The following XKR9 variants were observed in gnomAD, a reference collection of about 807,000 sequenced individuals.
The protein encoded by XKR9 is XK related 9.
XKR9 carries 32 observed loss-of-function variants against 32.0 expected under a neutral mutation model. The ratio of observed to expected loss-of-function variants is 1.00; its 90% CI spans 0.76 to 1.34. XKR9 has a LOEUF of 1.34. XKR9 is among the 40% of genes most tolerant of loss of function. XKR9 has a pLI of 0.00. For missense variants in XKR9, 546 were observed against 429.7 expected, an observed-to-expected ratio of 1.27 and a Z score of -2.39; for synonymous variants, 168 against 143.4, an observed-to-expected ratio of 1.17 and a Z score of -1.22.
chr8:70,982,521 A>C, the XKR9 span, among the ~76,000 whole-genome samples: 581 of 152,164 alleles, frequency 3.8e-3, 6 homozygotes, highest in African/African-American at 0.013. Context: ...CCAGTCCTAA[A>C]GGTGGTCTCA....
the XKR9 span, among the ~76,000 whole-genome samples, chr8:70,885,321 G>A: frequency 3.9e-5 from 6 of 152,034 alleles, no homozygotes; most frequent in South Asian, 4.1e-4. Flanking sequence ...CCAGTGCAAT[G>A]ACTTATGGGT....
At chr8:71,046,022 A>C in the XKR9 span, among the ~76,000 whole-genome samples, 3 of 152,074 alleles carry the variant, frequency 2.0e-5, no homozygotes, top group Non-Finnish European at 4.4e-5. Context: ...CATAAAACTA[A>C]AGAAGAAGCA....
At chr8:70,721,120 T>G (rs1806265010) in intron 4 of XKR9, among the ~76,000 whole-genome samples, 1 of 152,222 alleles carries the variant, frequency 6.6e-6, no homozygotes, top group South Asian at 2.1e-4. Context: ...GAGGGAAGTT[T>G]GTAGTTTTGT....
At chr8:70,740,028 G>A (rs1335488606), downstream of XKR9, among the ~76,000 whole-genome samples, 1 of 152,158 alleles carries the variant, frequency 6.6e-6, no homozygotes, top group Admixed American at 6.5e-5. Context: ...TTGGTAGACT[G>A]GGGAAGTTCT....
At chr8:70,950,470 C>T in the XKR9 span, among the ~76,000 whole-genome samples, 1 of 151,914 alleles carries the variant, frequency 6.6e-6, no homozygotes, top group South Asian at 2.1e-4. Context: ...CGGCTCTGGG[C>T]AGAGCATGGT....
the XKR9 span, among the ~76,000 whole-genome samples, chr8:71,040,003 T>C: frequency 2.0e-5 from 3 of 152,196 alleles, no homozygotes; most frequent in Non-Finnish European, 4.4e-5. Flanking sequence ...TGATTTTCTC[T>C]TTAGGTGGCC....
chr8:71,011,952 T>C, the XKR9 span, among the ~76,000 whole-genome samples: 2 of 152,232 alleles, frequency 1.3e-5, no homozygotes, highest in Non-Finnish European at 2.9e-5. Context: ...TTCTCTTATA[T>C]ACACTTGCTT....
chr8:70,796,678 A>G, the XKR9 span, among the ~76,000 whole-genome samples: 5 of 152,204 alleles, frequency 3.3e-5, no homozygotes, highest in African/African-American at 4.8e-5. Context: ...TATCACTGTA[A>G]GGTAAATTTA....
chr8:70,935,226 C>CACACAT, the XKR9 span, among the ~76,000 whole-genome samples: 2 of 149,016 alleles, frequency 1.3e-5, no homozygotes, highest in African/African-American at 5.0e-5. Flanking sequence ...CACACACACA[C>CACACAT]ATACACATTT....
chr8:70,844,112 C>T, the XKR9 span, among the ~76,000 whole-genome samples: 2 of 152,204 alleles, frequency 1.3e-5, no homozygotes, highest in Non-Finnish European at 2.9e-5. Context: ...AACATGCTCT[C>T]TGTAGAGTCT....
chr8:70,942,026 G>A, the XKR9 span, among the ~76,000 whole-genome samples: 11 of 152,170 alleles, frequency 7.2e-5, 1 homozygote, highest in South Asian at 1.7e-3. Context: ...TAGATAAGAA[G>A]CTATATACCT....
downstream of XKR9, among the ~76,000 whole-genome samples, chr8:70,793,983 A>T (rs975817970): frequency 2.0e-5 from 3 of 152,100 alleles, no homozygotes; most frequent in Non-Finnish European, 2.9e-5. Flanking sequence ...TGAACACAGG[A>T]TATCTATCCA....
intron 4 of XKR9, among the ~76,000 whole-genome samples, chr8:70,713,029 A>G (rs1805971336): frequency 6.6e-6 from 1 of 152,184 alleles, no homozygotes; most frequent in Non-Finnish European, 1.5e-5. Flanking sequence ...TAAAACAAGT[A>G]TCCTATTATG....
the XKR9 span, among the ~76,000 whole-genome samples, chr8:71,035,418 T>C: frequency 1.3e-5 from 2 of 152,222 alleles, no homozygotes. Flanking sequence ...ACCTAACTTA[T>C]GTGTTGTTGT....
At chr8:71,048,629 T>C in the XKR9 span, among the ~76,000 whole-genome samples, 1 of 152,250 alleles carries the variant, frequency 6.6e-6, no homozygotes, top group African/African-American at 2.4e-5. Context: ...TGTATATGGT[T>C]CTGGCTTTTG....
chr8:70,696,121 A>G (rs1196828422), intron 3 of XKR9, among the ~76,000 whole-genome samples: 1 of 150,404 alleles, frequency 6.6e-6, no homozygotes, highest in Non-Finnish European at 1.5e-5. Context: ...ATTTTCTCCC[A>G]TTTTGTAGGT....
intron 2 of XKR9, among the ~76,000 whole-genome samples, chr8:70,763,679 C>G (rs1233159352): frequency 1.3e-5 from 2 of 152,018 alleles, no homozygotes; most frequent in African/African-American, 4.8e-5. Context: ...TTTTCCCTTT[C>G]ATATTATAGT....
the XKR9 span, among the ~76,000 whole-genome samples, chr8:71,052,681 T>C: frequency 6.6e-6 from 1 of 152,222 alleles, no homozygotes; most frequent in Non-Finnish European, 1.5e-5. Context: ...TCTGCTGGCA[T>C]GCATAGTGCT....
chr8:70,846,782 A>C, the XKR9 span, among the ~76,000 whole-genome samples: 2 of 152,062 alleles, frequency 1.3e-5, no homozygotes, highest in African/African-American at 2.4e-5. Flanking sequence ...AAATGAGACA[A>C]AGGACATCAG....
Sources: gnomAD v4.1 joint callset for allele counts (sites outside exome capture counted in the v4.1 genomes callset) on GRCh38, gnomAD v4.1.1 for gene constraint, MANE v1.5 for transcripts, NCBI Gene and HGNC (gene_info 2026-07-23, HGNC 2026-07-21) for gene names.